GDA: variants seen among roughly 807,000 people sequenced by gnomAD.
GDA encodes the protein guanine deaminase.
A neutral mutation model predicts 59.6 loss-of-function variants in GDA; 18 were observed. That is an observed-to-expected ratio of 0.30 (90% CI 0.21 to 0.45). The LOEUF is 0.45. Among genes scored for constraint, GDA ranks in the 20% least tolerant of loss-of-function variants. The pLI is 1.00. For missense variants in GDA, 427 were observed against 552.3 expected (o/e 0.77, Z 2.27); for synonymous variants, 201 against 201.1 (o/e 1.00, Z 0.00).
chr9:72,131,648 G>GACAC (rs146874035), intron 1 of GDA, among the ~76,000 whole-genome samples: 53 of 150,896 alleles, frequency 3.5e-4, no homozygotes, highest in African/African-American at 5.8e-4. Context: ...CACGTGCACA[G>GACAC]ACACACACAC....
chr9:72,216,911 G>A (rs1433035869), intron 5 of GDA, among the ~76,000 whole-genome samples: 1 of 152,092 alleles, frequency 6.6e-6, no homozygotes, highest in African/African-American at 2.4e-5. Context: ...TCCTGACCTC[G>A]TGATCCACCC....
chr9:72,247,399 ATT>A lies in GDA; in HGVS notation c.1267-4_1267-3del. On this transcript the variant is annotated splice_region_variant and splice_polypyrimidine_tract_variant and intron_variant, in intron 12 of 13. Transcript: ENST00000358399. ...GTCTTTCTTATTACTTTTATTTTCC[ATT>A]TTAGGCTGTTATCCAGAAGTTCCTC... 1 of 1,471,424 alleles carries A rather than the reference ATT, an allele frequency of 6.8e-7. No individual in the cohort carries two copies. Among genetic ancestry groups the A allele is most frequent in the Non-Finnish European group, 9.5e-7 (1 of 1,050,270 alleles). 91.1% of individuals were successfully genotyped at this position (1,471,424 alleles called of 1,614,324 possible). A position where few individuals can be genotyped will look rare whatever the true frequency, so the allele number is the denominator to read the frequency against.
In GDA at chr9:72,169,395, C is replaced by A. The variant is rs192859260; in HGVS notation, c.123+19713C>A. Among the ~76,000 whole-genome samples the A allele has an allele frequency of 3.0e-3, 457 of 152,258 alleles. 3 individuals are homozygous for A. Among genetic ancestry groups the A allele is most frequent in the African/African-American group, 0.01 (424 of 41,532 alleles). ...ACCTAATGCCAAGTCTATTTCTGAG[C>A]CACTGTGAAGAGGACATAGATAAAC... is the stretch of plus-strand genomic sequence containing the variant. On this transcript the variant is annotated intron_variant, in intron 1 of 13. Coordinates refer to ENST00000358399, the MANE Select transcript of GDA (RefSeq NM_004293.5).
At chr9:72,222,023 G>C (rs1196837967) in intron 6 of GDA, among the ~76,000 whole-genome samples, 1 of 152,178 alleles carries the variant, frequency 6.6e-6, no homozygotes, top group Non-Finnish European at 1.5e-5. Flanking sequence ...GTGAGTGTAT[G>C]TGTGCATGTG....
chr9:72,139,005 G>A (rs1057013390), intron 1 of GDA, among the ~76,000 whole-genome samples: 16 of 152,058 alleles, frequency 1.1e-4, no homozygotes, highest in African/African-American at 3.6e-4. Flanking sequence ...CATGCATTTC[G>A]TGTTATATTG....
intron 11 of GDA, among the ~76,000 whole-genome samples, chr9:72,242,575 T>C (rs1331924873): frequency 6.6e-6 from 1 of 152,200 alleles, no homozygotes; most frequent in African/African-American, 2.4e-5. Flanking sequence ...GCCAAGATTA[T>C]CCTGGGAAGA....
At chr9:72,143,988 G>A (rs376621679) in intron 1 of GDA, among the ~76,000 whole-genome samples, 2 of 152,180 alleles carry the variant, frequency 1.3e-5, no homozygotes, top group African/African-American at 4.8e-5. Flanking sequence ...TTGGGAGGCT[G>A]AGGAGAATGG....
At chr9:72,136,990 AAAC>A (rs143720929) in intron 1 of GDA, among the ~76,000 whole-genome samples, 20 of 151,456 alleles carry the variant, frequency 1.3e-4, no homozygotes, top group South Asian at 6.2e-4. Flanking sequence ...CTCAAAAAGA[AAAC>A]AACAACAACA....
intron 13 of GDA, 46 bp from the exon 14 acceptor site, chr9:72,248,226 T>C (rs779876197): frequency 1.5e-6 from 2 of 1,304,352 alleles, no homozygotes; most frequent in Non-Finnish European, 2.2e-6. Flanking sequence ...AAGATACTTA[T>C]TGACACAAAA....
chr9:72,222,684 G>GT (rs1250452347), intron 6 of GDA, among the ~76,000 whole-genome samples: 16 of 151,636 alleles, frequency 1.1e-4, no homozygotes, highest in Admixed American at 1.1e-3. Flanking sequence ...TTCCAAGGTT[G>GT]TTTTTTTGTT....
Position 72,249,509 on chromosome 9 carries a change from A to G in GDA, c.*1167A>G, listed in dbSNP as rs1840482798. 4 of 610,666 alleles carry G rather than the reference A, an allele frequency of 6.6e-6. No homozygotes were observed. The highest frequency in any genetic ancestry group is 8.2e-6 in the Non-Finnish European group (4 of 488,072). The allele number at this position is 610,666 out of a possible 1,614,324, so 37.8% of individuals were successfully genotyped here. ...AAAATTTTAGGATAATGAAGAGTACATAATGTCCTACTTAATATTTATGTT... is the reference window on the plus strand; with the variant it reads ...AAAATTTTAGGATAATGAAGAGTACGTAATGTCCTACTTAATATTTATGTT... On this transcript the variant is annotated 3_prime_UTR_variant, in exon 14 of 14. Transcript: ENST00000358399.
At chr9:72,174,897 A>G (rs1326970960) in intron 1 of GDA, among the ~76,000 whole-genome samples, 1 of 152,100 alleles carries the variant, frequency 6.6e-6, no homozygotes, top group Admixed American at 6.6e-5. Context: ...CATTAATTGG[A>G]CAGGAAGAAA....
chr9:72,147,307 A>G (rs1338484097), upstream of GDA, among the ~76,000 whole-genome samples: 4 of 152,212 alleles, frequency 2.6e-5, no homozygotes, highest in Non-Finnish European at 5.9e-5. Flanking sequence ...TCCGGGGTTC[A>G]AGCAATTTTC....
downstream of GDA, chr9:72,253,304 C>A: frequency 6.6e-6 from 1 of 152,300 alleles, no homozygotes; most frequent in Middle Eastern, 3.4e-3. Flanking sequence ...CTGGCCAGAT[C>A]AAACTAAGCT....
intron 1 of GDA, among the ~76,000 whole-genome samples, chr9:72,155,947 G>A (rs918632804): frequency 2.6e-5 from 4 of 152,160 alleles, no homozygotes; most frequent in Non-Finnish European, 5.9e-5. Flanking sequence ...AGGATAAAAT[G>A]GATTAGTAAG....
chr9:72,131,323 T>C (rs1364562738), intron 1 of GDA, among the ~76,000 whole-genome samples: 2 of 152,174 alleles, frequency 1.3e-5, no homozygotes, highest in Admixed American at 6.5e-5. Context: ...CACATCTGTG[T>C]TGACGCCCCT....
intron 2 of GDA, 53 bp from the exon 3 acceptor site, chr9:72,202,518 G>T: frequency 8.5e-7 from 1 of 1,181,524 alleles, no homozygotes; most frequent in South Asian, 1.4e-5. Context: ...TTAAAAATAT[G>T]GGAAATGACT....
chr9:72,203,839 CAG>C (rs1344712118), intron 3 of GDA, among the ~76,000 whole-genome samples: 2 of 150,654 alleles, frequency 1.3e-5, no homozygotes, highest in East Asian at 1.9e-4. Flanking sequence ...TTTTTGGAGA[CAG>C]AGTCTCACTT....
chr9:72,215,666 T>G (rs1227423445), intron 5 of GDA, among the ~76,000 whole-genome samples: 1 of 152,102 alleles, frequency 6.6e-6, no homozygotes, highest in Non-Finnish European at 1.5e-5. Flanking sequence ...GCTCTGAGGA[T>G]GTTATGTGGT....
Sources: allele counts gnomAD v4.1 joint callset (sites outside exome capture counted in the v4.1 genomes callset), GRCh38; gene constraint gnomAD v4.1.1; transcripts MANE v1.5; gene names NCBI Gene and HGNC (gene_info 2026-07-23, HGNC 2026-07-21).